Variants in WDR45B observed in about 807,000 individuals in gnomAD.
WDR45B encodes WD repeat domain phosphoinositide-interacting protein 3.
A neutral mutation model predicts 44.6 loss-of-function variants in WDR45B; 20 were observed. The ratio of observed to expected loss-of-function variants is 0.45; its 90% CI spans 0.32 to 0.65. The LOEUF (loss-of-function observed/expected upper bound fraction) is 0.65. Among genes scored for constraint, WDR45B ranks in the 30% least tolerant of loss-of-function variants. WDR45B has a pLI of 0.05. For synonymous variants in WDR45B, 169 were observed against 164.9 expected, an observed-to-expected ratio of 1.02 and a Z score of -0.19; for missense variants, 323 against 430.2, an observed-to-expected ratio of 0.75 and a Z score of 2.20.
rs1349269830 is a variant in WDR45B at position 82,648,407 on chromosome 17, C to G, written c.-67G>C. 1 of 1,564,520 alleles carries G rather than the reference C, an allele frequency of 6.4e-7. No individual in the cohort carries two copies. Among genetic ancestry groups the G allele is most frequent in the Non-Finnish European group, 8.7e-7 (1 of 1,155,770 alleles). On this transcript the variant is annotated 5_prime_UTR_variant, in exon 1 of 10. Transcript: ENST00000392325. Reference sequence around the variant, plus strand: ...CTCTCGCTGGGGACGGCGGCCTGGTCCCTTCGGGCCGGCGCTGAGGCCGCC... The same window carrying G: ...CTCTCGCTGGGGACGGCGGCCTGGTGCCTTCGGGCCGGCGCTGAGGCCGCC...
At chr17:82,638,359 G>T (rs148920791) in intron 2 of WDR45B, among the ~76,000 whole-genome samples, 3 of 150,594 alleles carry the variant, frequency 2.0e-5, no homozygotes, top group African/African-American at 4.9e-5. Context: ...GGGTGAAAGG[G>T]GGGTAGGAGA....
intron 6 of WDR45B, among the ~76,000 whole-genome samples, chr17:82,620,221 G>A (rs2045595060): frequency 6.6e-6 from 1 of 152,212 alleles, no homozygotes; most frequent in South Asian, 2.1e-4. Context: ...ATCACCTGAG[G>A]TCGGGAGTTC....
At position 82,637,752 on chromosome 17, in the gene WDR45B, G is replaced by A. The variant is rs181179909; in HGVS notation, c.142+6197C>T. On this transcript the variant is annotated intron_variant, in intron 2 of 9. Transcript: ENST00000392325. ...TGCATAGGGCAAGGTATTAGGGGAA[G>A]GACACAAAGCTTCCGTGAAGCTCTC... is the stretch of plus-strand genomic sequence containing the variant. Among the ~76,000 whole-genome samples, 141 of 152,178 alleles carry A rather than the reference G, an allele frequency of 9.3e-4. 2 individuals carry two copies. The highest frequency in any genetic ancestry group is 3.2e-3 in the African/African-American group (132 of 41,440).
At chr17:82,632,595 C>T (rs1020700546) in intron 2 of WDR45B, among the ~76,000 whole-genome samples, 1 of 152,210 alleles carries the variant, frequency 6.6e-6, no homozygotes, top group South Asian at 2.1e-4. Context: ...GAAACTCCCA[C>T]GTTCTGCATG....
intron 3 of WDR45B, among the ~76,000 whole-genome samples, chr17:82,627,639 G>A (rs755481986): frequency 6.6e-5 from 10 of 151,932 alleles, no homozygotes; most frequent in Non-Finnish European, 1.0e-4. Context: ...CACGCTAAGC[G>A]CATTCATCTC....
chr17:82,616,731 A>G, intron 8 of WDR45B, 86 bp from the exon 9 acceptor site: 1 of 1,549,872 alleles, frequency 6.5e-7, no homozygotes, highest in African/African-American at 1.4e-5. Flanking sequence ...TGCTGAAAAT[A>G]CGAAAATGCT....
At chr17:82,646,438 G>C (rs1278697338) in intron 1 of WDR45B, among the ~76,000 whole-genome samples, 1 of 121,210 alleles carries the variant, frequency 8.3e-6, no homozygotes, top group Non-Finnish European at 1.6e-5. Context: ...AGTGAGCCTA[G>C]AACGCGCCAT....
At chr17:82,637,973 A>G (rs2045857481) in intron 2 of WDR45B, among the ~76,000 whole-genome samples, 1 of 151,280 alleles carries the variant, frequency 6.6e-6, no homozygotes, top group South Asian at 2.1e-4. Flanking sequence ...CAAGAGTTCG[A>G]GACCAGCCTG....
intron 5 of WDR45B, 119 bp downstream of exon 5, chr17:82,625,270 C>T: frequency 1.0e-6 from 1 of 955,298 alleles, no homozygotes; most frequent in Non-Finnish European, 1.7e-6. Flanking sequence ...CCCCTCTGTG[C>T]TCAGGATTGC....
At chr17:82,634,278 G>A (rs1249879465) in intron 2 of WDR45B, among the ~76,000 whole-genome samples, 2 of 150,252 alleles carry the variant, frequency 1.3e-5, no homozygotes, top group Non-Finnish European at 3.0e-5. Context: ...TCATGAGGTC[G>A]GGCGATCAAG....
chr17:82,626,782 A>G (rs1343791280), intron 4 of WDR45B: 1 of 261,152 alleles, frequency 3.8e-6, no homozygotes, highest in African/African-American at 2.2e-5. Context: ...TGCTACTTTC[A>G]ACACAGAAAA....
intron 3 of WDR45B, among the ~76,000 whole-genome samples, chr17:82,628,118 A>T (rs2045722208): frequency 6.6e-6 from 1 of 152,148 alleles, no homozygotes; most frequent in Non-Finnish European, 1.5e-5. Flanking sequence ...TCAGCTTCCC[A>T]AATGGCTGGG....
intron 1 of WDR45B, among the ~76,000 whole-genome samples, chr17:82,647,467 G>A (rs761648607): frequency 4.6e-5 from 7 of 152,202 alleles, no homozygotes; most frequent in Non-Finnish European, 1.0e-4. Flanking sequence ...ATCCGACCGC[G>A]CCGCCCCGGC....
chr17:82,626,185 T>C (rs769090530), intron 4 of WDR45B, among the ~76,000 whole-genome samples: 1 of 151,208 alleles, frequency 6.6e-6, no homozygotes, highest in Non-Finnish European at 1.5e-5. Flanking sequence ...CCGGCCACAT[T>C]TGCATTACTA....
intron 2 of WDR45B, 69 bp downstream of exon 2, chr17:82,643,880 G>A: frequency 7.1e-7 from 1 of 1,411,972 alleles, no homozygotes; most frequent in Non-Finnish European, 9.5e-7. Context: ...TGCTCCACCT[G>A]CAAGGTTAAA....
At chr17:82,634,545 T>C (rs992783966) in intron 2 of WDR45B, among the ~76,000 whole-genome samples, 6 of 151,556 alleles carry the variant, frequency 4.0e-5, no homozygotes, top group African/African-American at 1.5e-4. Flanking sequence ...CCACTTCTAG[T>C]CATACAAGCA....
intron 1 of WDR45B, among the ~76,000 whole-genome samples, chr17:82,646,707 A>ACC (rs2045983296): frequency 6.6e-6 from 1 of 152,104 alleles, no homozygotes; most frequent in Non-Finnish European, 1.5e-5. Context: ...CACTTATGAT[A>ACC]TATCCACCCT....
chr17:82,619,049 A>G lies in WDR45B; in HGVS notation c.698T>C (p.Ile233Thr). 1 of 1,614,110 alleles carries G rather than the reference A, an allele frequency of 6.2e-7. No homozygotes were observed. The highest frequency in any genetic ancestry group is 8.5e-7 in the Non-Finnish European group (1 of 1,180,004). ...AAGTTGGAGGTGCCCTTACCAGTAA[A>G]TATTGGCTGCTTGAGATCCTCTTCG... ...ELRRGSQAAN[I>T]YCINFNQDAS... The change falls in exon 7 of 10, where the codon ATT (isoleucine) becomes ACT (threonine). Residue 233 changes from isoleucine to threonine, a missense_variant. Physicochemically the swap from Ile to Thr is moderately conservative, Grantham distance 89. Coordinates refer to ENST00000392325, the MANE Select transcript of WDR45B (RefSeq NM_019613.4).
At chr17:82,623,408 CA>C (rs1259816664) in intron 5 of WDR45B, among the ~76,000 whole-genome samples, 1 of 104,162 alleles carries the variant, frequency 9.6e-6, no homozygotes, top group Admixed American at 1.0e-4. Flanking sequence ...AAAAAACAAA[CA>C]AAAAAAATGG....
Sources: allele counts gnomAD v4.1 joint callset (sites outside exome capture counted in the v4.1 genomes callset), GRCh38; gene constraint gnomAD v4.1.1; transcripts MANE v1.5; gene names NCBI Gene and HGNC (gene_info 2026-07-23, HGNC 2026-07-21).